Variants in DCDC1 observed in about 807,000 individuals in gnomAD.
DCDC1 encodes the protein doublecortin domain-containing protein 1.
In DCDC1, 200 loss-of-function variants were observed where a neutral mutation model predicts 178.3. The observed-to-expected ratio is 1.12, with a 90% CI of 1.00 to 1.26. The LOEUF is 1.26. Ranked by LOEUF, DCDC1 falls within the 50% of genes most tolerant of loss-of-function variation. DCDC1 has a pLI of 0.00. For missense variants in DCDC1, 1,983 were observed against 1,749.2 expected (o/e 1.13, Z -2.38); for synonymous variants, 690 against 604.8 (o/e 1.14, Z -2.07).
intron 20 of DCDC1, among the ~76,000 whole-genome samples, chr11:30,955,719 C>G (rs1169065424): frequency 6.6e-6 from 1 of 152,182 alleles, no homozygotes; most frequent in African/African-American, 2.4e-5. Context: ...ACCCCGTAAC[C>G]TCCCTGCCAG....
chr11:31,355,539 T>C (rs558368457), intron 1 of DCDC1, among the ~76,000 whole-genome samples: 3 of 152,258 alleles, frequency 2.0e-5, no homozygotes, highest in South Asian at 2.1e-4. Context: ...GTTTGGTTAC[T>C]GAATTAGTGT....
At chr11:31,156,614 A>C (rs1965742007) in intron 9 of DCDC1, among the ~76,000 whole-genome samples, 2 of 152,204 alleles carry the variant, frequency 1.3e-5, no homozygotes, top group South Asian at 4.1e-4. Context: ...TTTCATACTA[A>C]ATCTTTGAAG....
intron 6 of DCDC1, among the ~76,000 whole-genome samples, chr11:31,301,927 T>C (rs1241208319): frequency 6.6e-6 from 1 of 152,192 alleles, no homozygotes; most frequent in African/African-American, 2.4e-5. Context: ...TCATGCATTT[T>C]TTTCTGTGAC....
intron 20 of DCDC1, among the ~76,000 whole-genome samples, chr11:30,973,597 A>C (rs1296196991): frequency 6.6e-6 from 1 of 152,232 alleles, no homozygotes; most frequent in African/African-American, 2.4e-5. Flanking sequence ...TGTGAGCAGG[A>C]GTAGCTACAC....
At position 30,985,006 on chromosome 11, in the gene DCDC1, T is replaced by A. The variant is rs570728901; in HGVS notation, c.2592-32438A>T. 3.9e-4 allele frequency among the ~76,000 whole-genome samples: 59 copies of A among 152,296 alleles called. 1 individual carries two copies. The South Asian group carries it at 0.012, about 32-fold the overall frequency. On this transcript the variant is annotated intron_variant, in intron 20 of 38. Transcript: ENST00000684477. ...CACATCTAACCTTGGCCACAATCTT[T>A]TCCACAGAGATCAGATGATTCCTTC...
At chr11:30,987,271 C>A (rs1040651274) in intron 20 of DCDC1, among the ~76,000 whole-genome samples, 1 of 152,136 alleles carries the variant, frequency 6.6e-6, no homozygotes, top group South Asian at 2.1e-4. Context: ...CCTGCCTCAG[C>A]CTCCCAAAGT....
At chr11:31,339,659 G>A (rs971601581) in intron 1 of DCDC1, among the ~76,000 whole-genome samples, 2 of 152,158 alleles carry the variant, frequency 1.3e-5, no homozygotes, top group Admixed American at 1.3e-4. Flanking sequence ...TAGTAGGTAT[G>A]CAATAAATAT....
At chr11:30,929,440 G>C (rs745398934) in intron 22 of DCDC1, among the ~76,000 whole-genome samples, 5 of 152,016 alleles carry the variant, frequency 3.3e-5, no homozygotes, top group African/African-American at 4.8e-5. Flanking sequence ...CATCTAGAAA[G>C]GAAATCTAAA....
intron 1 of DCDC1, among the ~76,000 whole-genome samples, chr11:31,359,795 C>T (rs148215268): frequency 2.0e-4 from 31 of 152,252 alleles, no homozygotes; most frequent in Non-Finnish European, 3.7e-4. Context: ...AAGGGAGAAA[C>T]TCTAAAGTTC....
At chr11:30,976,145 T>C (rs963019469) in intron 20 of DCDC1, among the ~76,000 whole-genome samples, 1 of 151,918 alleles carries the variant, frequency 6.6e-6, no homozygotes, top group African/African-American at 2.4e-5. Flanking sequence ...TTTGGGAAAA[T>C]TGGATCTCCA....
chr11:31,003,242 G>A (rs1051625613), intron 20 of DCDC1, among the ~76,000 whole-genome samples: 4 of 152,022 alleles, frequency 2.6e-5, no homozygotes, highest in Admixed American at 6.6e-5. Context: ...AAGCTGCCAC[G>A]AAGCACTTTA....
At chr11:31,110,512 G>A (rs1959136142) in intron 11 of DCDC1, among the ~76,000 whole-genome samples, 151 bp from the exon 12 acceptor site, 2 of 152,090 alleles carry the variant, frequency 1.3e-5, no homozygotes, top group South Asian at 4.1e-4. Context: ...GCAAAGCAAG[G>A]ACCGACTGTA....
chr11:31,368,573 T>C (rs1307227134), intron 1 of DCDC1, among the ~76,000 whole-genome samples: 1 of 152,244 alleles, frequency 6.6e-6, no homozygotes, highest in African/African-American at 2.4e-5. Context: ...GAGAACCTAA[T>C]CTATGCTTTC....
intron 2 of DCDC1, among the ~76,000 whole-genome samples, chr11:31,331,042 G>A (rs1375285041): frequency 6.6e-6 from 1 of 152,080 alleles, no homozygotes; most frequent in Admixed American, 6.6e-5. Context: ...TGTTCAATTT[G>A]TTTCTGTCCT....
chr11:30,874,213 T>G (rs1941908683), intron 38 of DCDC1, among the ~76,000 whole-genome samples: 2 of 152,192 alleles, frequency 1.3e-5, no homozygotes, highest in African/African-American at 4.8e-5. Flanking sequence ...GCAAAGTTTC[T>G]TACACTGTGG....
intron 7 of DCDC1, among the ~76,000 whole-genome samples, chr11:31,283,722 T>C (rs1946616291): frequency 6.6e-6 from 1 of 152,148 alleles, no homozygotes; most frequent in Non-Finnish European, 1.5e-5. Flanking sequence ...TAATTAGCTG[T>C]TCTTTTCCTG....
chr11:31,302,701 A>T (rs1948194251), intron 6 of DCDC1, among the ~76,000 whole-genome samples: 1 of 152,176 alleles, frequency 6.6e-6, no homozygotes, highest in Non-Finnish European at 1.5e-5. Flanking sequence ...GTATGTGATG[A>T]ATAGCTCTCC....
chr11:31,086,930 C>A (rs1191590095), intron 17 of DCDC1, among the ~76,000 whole-genome samples: 6 of 152,034 alleles, frequency 3.9e-5, no homozygotes, highest in Admixed American at 3.9e-4. Context: ...CTTCTTATTT[C>A]TTTTCTGGAT....
intron 8 of DCDC1, among the ~76,000 whole-genome samples, chr11:31,250,051 A>G (rs528573957): frequency 5.4e-4 from 82 of 151,926 alleles, no homozygotes; most frequent in African/African-American, 1.6e-3. Flanking sequence ...CATATAAACA[A>G]TATTTCTTCC....
Sources: allele counts gnomAD v4.1 joint callset (sites outside exome capture counted in the v4.1 genomes callset), GRCh38; gene constraint gnomAD v4.1.1; transcripts MANE v1.5; gene names NCBI Gene and HGNC (gene_info 2026-07-23, HGNC 2026-07-21).